The following COL11A1 variants were observed in gnomAD, a reference collection of about 807,000 sequenced individuals.
COL11A1 encodes collagen alpha-1(XI) chain.
Under a neutral mutation model 265.2 loss-of-function variants are expected in COL11A1, and 74 were observed. That is an observed-to-expected ratio of 0.28 (90% CI 0.23 to 0.34). COL11A1 has a LOEUF of 0.34. Among genes scored for constraint, COL11A1 ranks in the 10% least tolerant of loss-of-function variants. COL11A1 has a pLI of 1.00. For synonymous variants in COL11A1, 816 were observed against 727.6 expected, an observed-to-expected ratio of 1.12 and a Z score of -1.96; for missense variants, 2,165 against 2,263.6, an observed-to-expected ratio of 0.96 and a Z score of 0.88.
At chr1:103,001,099 A>G (rs1314433400) in intron 24 of COL11A1, 2 of 397,168 alleles carry the variant, frequency 5.0e-6, no homozygotes, top group African/African-American at 4.1e-5. Flanking sequence ...AAAGCAAATT[A>G]ATTGTTAGCT....
chr1:102,928,008 C>T (rs1195954302), intron 46 of COL11A1, among the ~76,000 whole-genome samples: 1 of 152,108 alleles, frequency 6.6e-6, no homozygotes, highest in Non-Finnish European at 1.5e-5. Flanking sequence ...CCGCCCCTGT[C>T]TGCCTGGGAC....
chr1:102,921,734 G>A (rs377719454), intron 47 of COL11A1, among the ~76,000 whole-genome samples, 163 bp from the exon 48 acceptor site: 100 of 152,316 alleles, frequency 6.6e-4, no homozygotes, highest in Non-Finnish European at 1.1e-3. Context: ...ACAACATCAT[G>A]TTAGCAAATG....
At position 102,897,894 on chromosome 1, in the gene COL11A1, A is replaced by AT. The variant is rs140129829; in HGVS notation, c.4302+230dup. Among the ~76,000 whole-genome samples the AT allele has an allele frequency of 0.088, 13,353 of 152,102 alleles. 707 individuals are homozygous for AT. The highest frequency in any genetic ancestry group is 0.16 in the Middle Eastern group (48 of 294). ...GTGGCATTTCATTCAGAGTGGAAATATTTTTTCATCCAAAGTGCATAAGAA... is the reference window on the plus strand; with the variant it reads ...GTGGCATTTCATTCAGAGTGGAAATATTTTTTTCATCCAAAGTGCATAAGAA... On this transcript the variant is annotated intron_variant, in intron 57 of 66. Transcript: ENST00000370096.
rs1478045221 is a variant in COL11A1 at position 103,013,527 on chromosome 1, C to T, written c.1572+984G>A. On this transcript the variant is annotated intron_variant, in intron 13 of 66. Coordinates refer to ENST00000370096, the MANE Select transcript of COL11A1 (RefSeq NM_001854.4). ...AAATAATTTTAGATTTGCATTATGC[C>T]AAAATCTAATAAACAAATATTTTAA... 5.3e-5 allele frequency among the ~76,000 whole-genome samples: 8 copies of T among 151,604 alleles called. No homozygotes were observed. The East Asian group carries it at 1.4e-3, about 26-fold the overall frequency.
At chr1:102,993,335 G>A (rs1664319957) in intron 28 of COL11A1, among the ~76,000 whole-genome samples, 1 of 151,878 alleles carries the variant, frequency 6.6e-6, no homozygotes, top group African/African-American at 2.4e-5. Flanking sequence ...GGGGTGATTG[G>A]TTCCAGGACC....
rs945060071 is a variant in COL11A1, at chr1:102,956,975, A to G, written c.3168+4891T>C. Among the ~76,000 whole-genome samples the G allele has an allele frequency of 7.9e-5, 12 of 152,028 alleles. No individual in the cohort carries two copies. The East Asian group carries it at 2.1e-3, about 27-fold the overall frequency. On this transcript the variant is annotated intron_variant, in intron 41 of 66. Transcript: ENST00000370096. Reference sequence around the variant, plus strand: ...AGAAATTGCAAATATTTTTAAAGCTATGGTTAGCAAGAGATTTCTTCCAAG... The same window carrying G: ...AGAAATTGCAAATATTTTTAAAGCTGTGGTTAGCAAGAGATTTCTTCCAAG...
chr1:102,964,587 G>GGTGTGTGTGT (rs10627254), intron 38 of COL11A1, among the ~76,000 whole-genome samples: 30 of 149,520 alleles, frequency 2.0e-4, no homozygotes, highest in Non-Finnish European at 2.7e-4. Flanking sequence ...TTTCTCTAGG[G>GGTGTGTGTGT]GTGTGTGTGT....
chr1:102,962,627 A>C, intron 39 of COL11A1, 26 bp downstream of exon 39: 1 of 1,611,522 alleles, frequency 6.2e-7, no homozygotes, highest in Non-Finnish European at 8.5e-7. Flanking sequence ...TTTGGGCCAA[A>C]AAAAGTTTTC....
intron 41 of COL11A1, among the ~76,000 whole-genome samples, chr1:102,958,031 C>T (rs1041971840): frequency 4.6e-5 from 7 of 152,140 alleles, no homozygotes; most frequent in Middle Eastern, 3.4e-3. Flanking sequence ...TACAAATAAC[C>T]ACTGAATACT....
intron 1 of COL11A1, among the ~76,000 whole-genome samples, chr1:103,094,129 G>GA (rs1434348730): frequency 3.3e-5 from 5 of 151,942 alleles, no homozygotes; most frequent in South Asian, 2.1e-4. Context: ...TGTGGATATG[G>GA]AAAAAAAATG....
At chr1:103,090,867 T>C (rs1371197300) in intron 1 of COL11A1, among the ~76,000 whole-genome samples, 2 of 152,120 alleles carry the variant, frequency 1.3e-5, no homozygotes, top group Non-Finnish European at 2.9e-5. Context: ...TTGAGTAGAA[T>C]ACTAAACAGT....
chr1:102,894,715 T>C (rs551568197), intron 57 of COL11A1, among the ~76,000 whole-genome samples: 252 of 152,228 alleles, frequency 1.7e-3, no homozygotes, highest in Non-Finnish European at 2.8e-3. Context: ...CAAACTCCAA[T>C]AGAGTTATTT....
intron 44 of COL11A1, 41 bp from the exon 45 acceptor site, chr1:102,935,154 A>C: frequency 6.5e-7 from 1 of 1,541,818 alleles, no homozygotes; most frequent in Non-Finnish European, 8.9e-7. Flanking sequence ...AAGTGAAGCC[A>C]GAAGAGCCTC....
intron 7 of COL11A1, among the ~76,000 whole-genome samples, chr1:103,023,370 C>CTT (rs112800509): frequency 1.4e-5 from 2 of 142,956 alleles, no homozygotes; most frequent in Admixed American, 7.0e-5. Context: ...TTTTTTCTTT[C>CTT]TTTTTTTTTT....
chr1:102,938,174 T>G (rs550792008), intron 44 of COL11A1, among the ~76,000 whole-genome samples: 6 of 152,160 alleles, frequency 3.9e-5, no homozygotes, highest in Non-Finnish European at 7.3e-5. Context: ...TTCTTTCCGT[T>G]ATGTGTTAAT....
chr1:103,059,899 A>G (rs769167829), intron 4 of COL11A1, among the ~76,000 whole-genome samples: 1 of 152,064 alleles, frequency 6.6e-6, no homozygotes, highest in South Asian at 2.1e-4. Context: ...AAAATATGTA[A>G]TTACACACAA....
chr1:102,923,709 G>C (rs1017121341), intron 46 of COL11A1, among the ~76,000 whole-genome samples: 21 of 152,078 alleles, frequency 1.4e-4, no homozygotes, highest in African/African-American at 4.6e-4. Context: ...ATAATATATA[G>C]AACTTCCCTG....
intron 44 of COL11A1, among the ~76,000 whole-genome samples, chr1:102,935,706 A>G (rs1658065569): frequency 6.6e-6 from 1 of 152,190 alleles, no homozygotes; most frequent in Non-Finnish European, 1.5e-5. Context: ...ATTTTCTTAC[A>G]TTAGTAACGG....
chr1:103,088,801 T>G (rs1673079183), intron 1 of COL11A1, among the ~76,000 whole-genome samples: 1 of 152,090 alleles, frequency 6.6e-6, no homozygotes, highest in Non-Finnish European at 1.5e-5. Flanking sequence ...AGTAAAGAGT[T>G]CAAGGAAACC....
Sources: gnomAD v4.1 joint callset for allele counts (sites outside exome capture counted in the v4.1 genomes callset) on GRCh38, gnomAD v4.1.1 for gene constraint, MANE v1.5 for transcripts, NCBI Gene and HGNC (gene_info 2026-07-23, HGNC 2026-07-21) for gene names.